LONP1: variants seen among roughly 807,000 people sequenced by gnomAD.
LONP1 encodes the protein lon protease homolog, mitochondrial.
In LONP1, 31 loss-of-function variants were observed where a neutral mutation model predicts 98.5. That is an observed-to-expected ratio of 0.31 (90% CI 0.24 to 0.42). The LOEUF (loss-of-function observed/expected upper bound fraction) is 0.42. LONP1 is among the 20% of genes least tolerant of loss of function. The probability of loss-of-function intolerance (pLI) is 1.00; values close to 1 mark genes in which losing one functional copy is unlikely to be tolerated. For missense variants in LONP1, 1,336 were observed against 1,350.6 expected (o/e 0.99, Z 0.17); for synonymous variants, 781 against 594.7 (o/e 1.31, Z -4.56).
intron 9 of LONP1, among the ~76,000 whole-genome samples, chr19:5,699,714 T>G (rs938924217): frequency 6.6e-6 from 1 of 150,860 alleles, no homozygotes; most frequent in Admixed American, 6.6e-5. Context: ...TGAGTCACCA[T>G]GCCTGGCTAC....
intron 13 of LONP1, 149 bp from the exon 14 acceptor site, chr19:5,695,050 C>T (rs1411832043): frequency 2.2e-6 from 2 of 910,320 alleles, no homozygotes; most frequent in Non-Finnish European, 3.2e-6. Flanking sequence ...GGACACCCCG[C>T]CCTGCCACCC....
upstream of LONP1, chr19:5,720,256 G>A: frequency 2.3e-6 from 3 of 1,315,460 alleles, no homozygotes; most frequent in Non-Finnish European, 2.9e-6. Context: ...GCTTCAGGGA[G>A]CTGGGCCTAC....
chr19:5,705,599 G>A (rs559569553), intron 8 of LONP1, among the ~76,000 whole-genome samples, 173 bp downstream of exon 8: 1 of 152,308 alleles, frequency 6.6e-6, no homozygotes, highest in Admixed American at 6.5e-5. Context: ...AATGGAGATG[G>A]TGATGATGTG....
At chr19:5,693,092 G>A (rs527775016) in intron 17 of LONP1, among the ~76,000 whole-genome samples, 2 of 152,214 alleles carry the variant, frequency 1.3e-5, no homozygotes, top group African/African-American at 2.4e-5. Context: ...GCCAGTGGAG[G>A]CTCAGAATGT....
At chr19:5,706,544 C>A (rs553244559) in intron 7 of LONP1, among the ~76,000 whole-genome samples, 1 of 152,122 alleles carries the variant, frequency 6.6e-6, no homozygotes, top group East Asian at 2.0e-4. Context: ...GAGGTGGAGG[C>A]TGTAGTGAGC....
intron 13 of LONP1, among the ~76,000 whole-genome samples, 192 bp from the exon 14 acceptor site, chr19:5,695,093 G>C (rs2054902390): frequency 6.6e-6 from 1 of 151,994 alleles, no homozygotes; most frequent in South Asian, 2.1e-4. Context: ...CTTTGCTTGT[G>C]CTGCGTCCTC....
At position 5,696,756 on chromosome 19, in the gene LONP1, G is replaced by T. The variant is rs570323541; in HGVS notation, c.1687C>A (p.Arg563=). The T allele has an allele frequency of 1.2e-6, 2 of 1,610,218 alleles. No individual in the cohort carries two copies. The highest frequency in any genetic ancestry group is 2.2e-5 in the East Asian group (1 of 44,870). Residue 563 remains arginine (R), a splice_region_variant and synonymous_variant, in exon 11 of 18, where the codon CGG becomes AGG. Transcript: ENST00000360614. Reference sequence around the variant, plus strand: ...CCGGGCATGGCGCCCACGTAGGTCCGCCTGTGGGTGCACAGCGGGGTCAGA... The same window carrying T: ...CCGGGCATGGCGCCCACGTAGGTCCTCCTGTGGGTGCACAGCGGGGTCAGA... ...TDVAEIKGHR[R]TYVGAMPGKI...
In LONP1 at chr19:5,705,336, T is replaced by C. The variant is rs777120744; in HGVS notation, c.1367+436A>G. The stretch of plus-strand genomic sequence containing the variant: ...AACCAGGCGTGGTGGTGCATGCCTA[T>C]AGTCCCAGATACTTGGGGGACTGAA... On this transcript the variant is annotated intron_variant, in intron 8 of 17. Transcript: ENST00000360614. Among the ~76,000 whole-genome samples, 7 of 151,848 alleles carry C rather than the reference T, an allele frequency of 4.6e-5. No individual in the cohort carries two copies. In the East Asian group the frequency reaches 1.4e-3, roughly 30 times the overall value.
intron 1 of LONP1, among the ~76,000 whole-genome samples, chr19:5,716,141 G>A (rs2145633219): frequency 6.6e-6 from 1 of 151,266 alleles, no homozygotes; most frequent in South Asian, 2.1e-4. Flanking sequence ...CGGGGCTGAG[G>A]TGGGAGGATC....
At chr19:5,711,038 G>GAAA (rs369130620) in intron 4 of LONP1, among the ~76,000 whole-genome samples, 4 of 145,468 alleles carry the variant, frequency 2.7e-5, no homozygotes, top group African/African-American at 1.0e-4. Context: ...AAAAAAGAAA[G>GAAA]AAAAAAAAAA....
Position 5,719,868 on chromosome 19 carries a change from C to T in LONP1, c.265G>A (p.Gly89Ser). 6.3e-7 allele frequency: 1 copy of T among 1,594,070 alleles called. No homozygotes were observed. The highest frequency in any genetic ancestry group is 8.5e-7 in the Non-Finnish European group (1 of 1,170,758). The change falls in exon 1 of 18, where the codon GGC (glycine) becomes AGC (serine). Residue 89 changes from glycine to serine, a missense_variant. Physicochemically the swap from Gly to Ser is moderately conservative, Grantham distance 56. Transcript: ENST00000360614. ...FSGGEDASEG[G>S]AEEGAGGAGG... ...GCGCCGCCGGCTCCTTCCTCCGCGCCGCCCTCGGAGGCGTCCTCGCCCCCC... is the reference window on the plus strand; with the variant it reads ...GCGCCGCCGGCTCCTTCCTCCGCGCTGCCCTCGGAGGCGTCCTCGCCCCCC...
rs148410832 is a variant in LONP1, at chr19:5,714,713, G to A, written c.430-442C>T. 3.8e-4 allele frequency among the ~76,000 whole-genome samples: 58 copies of A among 150,940 alleles called. 1 individual carries two copies. The East Asian group carries it at 9.3e-3, about 24-fold the overall frequency. On this transcript the variant is annotated intron_variant, in intron 1 of 17. Coordinates refer to ENST00000360614, the MANE Select transcript of LONP1 (RefSeq NM_004793.4). ...AGCTCACTGCAACCTCCGCCTCCCG[G>A]GATCAAGCAATTCTCTGCCTCAGCC...
At chr19:5,698,008 C>G (rs939758910) in intron 10 of LONP1, among the ~76,000 whole-genome samples, 1 of 142,940 alleles carries the variant, frequency 7.0e-6, no homozygotes, top group Non-Finnish European at 1.5e-5. Flanking sequence ...CCCAGCTGCT[C>G]CTTCCTGCTC....
intron 17 of LONP1, among the ~76,000 whole-genome samples, chr19:5,692,881 A>G (rs777303072): frequency 6.6e-6 from 1 of 152,140 alleles, no homozygotes; most frequent in Non-Finnish European, 1.5e-5. Context: ...GTCTGGGGAC[A>G]GGCAGGGATG....
rs376662106 is a variant in LONP1, at chr19:5,696,403, G to A, written c.1774-32C>T. 3.2e-5 allele frequency: 52 copies of A among 1,606,640 alleles called. No individual in the cohort carries two copies. The East Asian group carries it at 4.3e-4, about 13-fold the overall frequency. ...CAGCAGACAGCAGGTGGTGCCCCTC[G>A]CCGTGCCCCTGGCCAGCCCGCCCAG... On this transcript the variant is annotated intron_variant, in intron 11 of 17. Transcript: ENST00000360614.
At position 5,691,871 on chromosome 19, in the gene LONP1, C is replaced by A. The variant is rs1237532393; in HGVS notation, c.*161G>T. The stretch of plus-strand genomic sequence containing the variant: ...CTTTAATCATTAAATAGCTTCTATG[C>A]CACACTCTGATTAAGCCGACTGAGG... On this transcript the variant is annotated 3_prime_UTR_variant, in exon 18 of 18. Coordinates refer to ENST00000360614, the MANE Select transcript of LONP1 (RefSeq NM_004793.4). 1.2e-6 allele frequency: 1 copy of A among 849,722 alleles called. No homozygotes were observed. The highest frequency in any genetic ancestry group is 1.8e-6 in the Non-Finnish European group (1 of 556,062). 52.6% of individuals were successfully genotyped at this position (849,722 alleles called of 1,614,324 possible).
chr19:5,717,365 C>T (rs1435699380), intron 1 of LONP1: 1 of 152,198 alleles, frequency 6.6e-6, no homozygotes, highest in African/African-American at 2.4e-5. Flanking sequence ...GCATCTGCCT[C>T]CTGGCCTTGG....
chr19:5,701,035 T>C, intron 8 of LONP1, 108 bp from the exon 9 acceptor site: 2 of 1,278,654 alleles, frequency 1.6e-6, no homozygotes, highest in Non-Finnish European at 2.3e-6. Context: ...TGTGTGGGGC[T>C]GAGCGCGGTG....
chr19:5,703,086 CAGG>C (rs2055084990), intron 8 of LONP1, among the ~76,000 whole-genome samples: 1 of 148,606 alleles, frequency 6.7e-6, no homozygotes, highest in African/African-American at 2.5e-5. Context: ...GAGGCTGAGG[CAGG>C]AGAATGGCAT....
Sources: gnomAD v4.1 joint callset for allele counts (sites outside exome capture counted in the v4.1 genomes callset) on GRCh38, gnomAD v4.1.1 for gene constraint, MANE v1.5 for transcripts, NCBI Gene and HGNC (gene_info 2026-07-23, HGNC 2026-07-21) for gene names.